Variants in SLA observed in about 807,000 individuals in gnomAD.
SLA encodes src-like-adapter.
In SLA, 16 loss-of-function variants were observed where a neutral mutation model predicts 30.3. That is an observed-to-expected ratio of 0.53 (90% CI 0.36 to 0.80). The LOEUF (loss-of-function observed/expected upper bound fraction) is 0.80. Ranked by LOEUF, SLA falls within the 30% of genes least tolerant of loss-of-function variation. The pLI is 0.01. For missense variants in SLA, 310 were observed against 345.2 expected (o/e 0.90, Z 0.81); for synonymous variants, 143 against 137.8 (o/e 1.04, Z -0.26).
In SLA at chr8:133,074,963, G is replaced by T; in HGVS notation, c.-151C>A. The T allele has an allele frequency of 1.0e-6, 1 of 985,478 alleles. No homozygotes were observed. Among genetic ancestry groups the T allele is most frequent in the Non-Finnish European group, 1.2e-6 (1 of 829,988 alleles). 61.0% of individuals were successfully genotyped at this position (985,478 alleles called of 1,614,324 possible). On this transcript the variant is annotated 5_prime_UTR_variant, in exon 2 of 9. The change creates a new upstream start codon in the 5' untranslated region. Coordinates refer to ENST00000338087, the MANE Select transcript of SLA (RefSeq NM_001045556.3). Reference sequence around the variant, plus strand: ...GCTGCTGCTCCAGAATAAACAGGCAGCCGGGCTTCTCGCGGTTGTGGAGAA... The same window carrying T: ...GCTGCTGCTCCAGAATAAACAGGCATCCGGGCTTCTCGCGGTTGTGGAGAA...
chr8:133,070,029 A>AAAAAAAAAAAAAC lies in SLA; in HGVS notation c.-41+4823_-41+4824insGTTTTTTTTTTTT, dbSNP rs376711807. Among the ~76,000 whole-genome samples the AAAAAAAAAAAAAC allele has an allele frequency of 5.3e-4, 58 of 109,790 alleles. 17 individuals carry two copies. Among genetic ancestry groups the AAAAAAAAAAAAAC allele is most frequent in the African/African-American group, 2.0e-3 (52 of 25,806 alleles). 72.0% of individuals were successfully genotyped at this position (109,790 alleles called of 152,430 possible). ...AAAAAAAAAAAAAAAAAAAAAAAGA[A>AAAAAAAAAAAAAC]AGAAAGAAAGAAAAGAAAAGAAGAA... On this transcript the variant is annotated intron_variant, in intron 2 of 8. Transcript: ENST00000338087.
intron 1 of SLA, 171 bp downstream of exon 1, chr8:133,102,382 C>T (rs1017779048): frequency 6.9e-6 from 4 of 575,602 alleles, no homozygotes; most frequent in Non-Finnish European, 6.3e-6. Flanking sequence ...CCAAGTCCTG[C>T]CCCCTGGAGC....
chr8:133,095,199 C>G lies in SLA; in HGVS notation c.-319+7354G>C. 1 of 1,614,178 alleles carries G rather than the reference C, an allele frequency of 6.2e-7. No individual in the cohort carries two copies. On this transcript the variant is annotated intron_variant, in intron 1 of 8. Coordinates refer to ENST00000338087, the MANE Select transcript of SLA (RefSeq NM_001045556.3). ...AGCCTGCCAATGTCCTCAATGATGC[C>G]CAGACCAAGGTGAGCACTTAAGTGC...
chr8:133,046,907 G>A (rs569542109), intron 6 of SLA, among the ~76,000 whole-genome samples: 2 of 152,324 alleles, frequency 1.3e-5, no homozygotes, highest in African/African-American at 4.8e-5. Context: ...CTTATTAGGT[G>A]CATGGGAAGT....
intron 1 of SLA, among the ~76,000 whole-genome samples, chr8:133,083,743 A>T (rs1432146258): frequency 2.0e-5 from 3 of 152,110 alleles, no homozygotes. Context: ...TTTGAAGAGG[A>T]TAATGTTGGA....
intron 2 of SLA, among the ~76,000 whole-genome samples, chr8:133,062,027 T>C (rs1221007533): frequency 6.6e-6 from 1 of 152,210 alleles, no homozygotes; most frequent in Non-Finnish European, 1.5e-5. Context: ...CCGAAGACAA[T>C]GACCAGGCTC....
intron 3 of SLA, among the ~76,000 whole-genome samples, chr8:133,056,704 A>T (rs761955948): frequency 2.6e-5 from 4 of 152,228 alleles, no homozygotes; most frequent in Non-Finnish European, 5.9e-5. Context: ...CTGCATATGT[A>T]AAGCACTGGG....
intron 1 of SLA, among the ~76,000 whole-genome samples, chr8:133,097,340 G>T (rs554178529): frequency 6.6e-6 from 1 of 152,316 alleles, no homozygotes; most frequent in South Asian, 2.1e-4. Context: ...ATATATACAA[G>T]AGTATTTATT....
At chr8:133,044,202 T>C (rs182291169) in intron 7 of SLA, among the ~76,000 whole-genome samples, 1 of 152,186 alleles carries the variant, frequency 6.6e-6, no homozygotes, top group Non-Finnish European at 1.5e-5. Flanking sequence ...CGTTCACAAT[T>C]TCTCCCTTTT....
At chr8:133,040,532 G>A (rs542373853) in intron 7 of SLA, among the ~76,000 whole-genome samples, 60 of 152,286 alleles carry the variant, frequency 3.9e-4, no homozygotes, top group Admixed American at 1.4e-3. Context: ...AGGGTTTCCC[G>A]CAAATGCCCA....
intron 1 of SLA, chr8:133,094,960 C>T: frequency 6.3e-7 from 1 of 1,590,166 alleles, no homozygotes; most frequent in Non-Finnish European, 8.6e-7. Flanking sequence ...GGATGCAGAA[C>T]CCTGATGTGG....
chr8:133,097,714 C>G (rs1331426233), intron 1 of SLA, among the ~76,000 whole-genome samples: 1 of 152,144 alleles, frequency 6.6e-6, no homozygotes, highest in African/African-American at 2.4e-5. Flanking sequence ...TTGGCTACCT[C>G]TGGAGATGTA....
intron 8 of SLA, 61 bp from the exon 9 acceptor site, chr8:133,038,798 G>A: frequency 1.8e-6 from 2 of 1,093,680 alleles, no homozygotes; most frequent in Admixed American, 2.0e-5. Flanking sequence ...AGAGAGAGGA[G>A]GAGATAAAGG....
At chr8:133,084,852 T>A (rs918159931) in intron 1 of SLA, among the ~76,000 whole-genome samples, 5 of 152,240 alleles carry the variant, frequency 3.3e-5, no homozygotes, top group African/African-American at 1.2e-4. Context: ...GTCAAAGATG[T>A]CTGCAGAAGG....
intron 3 of SLA, 152 bp downstream of exon 3, chr8:133,059,948 G>T: frequency 1.3e-6 from 1 of 762,988 alleles, no homozygotes; most frequent in Non-Finnish European, 2.0e-6. Context: ...TGAAGTATTT[G>T]AACCACAAAC....
chr8:133,092,940 C>T (rs551083578), intron 1 of SLA, among the ~76,000 whole-genome samples: 1 of 152,336 alleles, frequency 6.6e-6, no homozygotes, highest in South Asian at 2.1e-4. Flanking sequence ...ACGCCTTTAA[C>T]CACTTCCTCA....
At chr8:133,078,152 C>T (rs1038320219) in intron 1 of SLA, among the ~76,000 whole-genome samples, 3 of 152,190 alleles carry the variant, frequency 2.0e-5, no homozygotes, top group Admixed American at 6.5e-5. Context: ...TGTCACCCAT[C>T]CTTCCTCTCC....
chr8:133,084,295 G>A lies in SLA; in HGVS notation c.-318-9165C>T, dbSNP rs185533368. Among the ~76,000 whole-genome samples, 3 of 152,188 alleles carry A rather than the reference G, an allele frequency of 2.0e-5. No individual in the cohort carries two copies. The East Asian group carries it at 5.8e-4, about 29-fold the overall frequency. On this transcript the variant is annotated intron_variant, in intron 1 of 8. Transcript: ENST00000338087. Reference sequence around the variant, plus strand: ...TTCTCCTGGGCCCTGAAACAAAGCTGCAGAAAAAAATGACTAGAAAGAAGC... The same window carrying A: ...TTCTCCTGGGCCCTGAAACAAAGCTACAGAAAAAAATGACTAGAAAGAAGC...
At chr8:133,053,317 C>T (rs149634834) in intron 3 of SLA, among the ~76,000 whole-genome samples, 1 of 152,306 alleles carries the variant, frequency 6.6e-6, no homozygotes, top group African/African-American at 2.4e-5. Context: ...GCTGTGAGTT[C>T]CGGGAGGGCA....
Sources: gnomAD v4.1 joint callset for allele counts (sites outside exome capture counted in the v4.1 genomes callset) on GRCh38, gnomAD v4.1.1 for gene constraint, MANE v1.5 for transcripts, NCBI Gene and HGNC (gene_info 2026-07-23, HGNC 2026-07-21) for gene names.